The following WRN variants were observed in gnomAD, a reference collection of about 807,000 sequenced individuals.
WRN encodes the protein bifunctional 3'-5' exonuclease/ATP-dependent helicase WRN.
Under a neutral mutation model 180.7 loss-of-function variants are expected in WRN, and 149 were observed. The observed-to-expected ratio is 0.82, with a 90% CI of 0.72 to 0.94. WRN has a LOEUF of 0.94. WRN is among the 40% of genes least tolerant of loss of function. WRN has a pLI of 0.00. For synonymous variants in WRN, 548 were observed against 568.9 expected (o/e 0.96, Z 0.52); for missense variants, 1,661 against 1,700.1 (o/e 0.98, Z 0.40).
At chr8:31,050,150 G>C (rs946883832) in intron 1 of WRN, among the ~76,000 whole-genome samples, 1 of 152,008 alleles carries the variant, frequency 6.6e-6, no homozygotes, top group South Asian at 2.1e-4. Context: ...GTGTTAATGA[G>C]GGAACCAGAA....
At chr8:31,125,042 C>G in intron 23 of WRN, 42 bp downstream of exon 23, 1 of 1,552,994 alleles carries the variant, frequency 6.4e-7, no homozygotes, top group Non-Finnish European at 8.8e-7. Context: ...AAAAGTCTTT[C>G]TTTCTCTTCC....
At chr8:31,088,862 A>G in intron 12 of WRN, 28 bp from the exon 13 acceptor site, 13 of 1,587,688 alleles carry the variant, frequency 8.2e-6, no homozygotes, top group Non-Finnish European at 1.1e-5. Context: ...CTACTTGAAC[A>G]TAAATGCACA....
At chr8:31,050,587 C>A (rs189417532) in intron 1 of WRN, among the ~76,000 whole-genome samples, 5 of 150,642 alleles carry the variant, frequency 3.3e-5, no homozygotes, top group African/African-American at 1.2e-4. Context: ...TCTTTCCACT[C>A]TACTTCCTGC....
intron 16 of WRN, among the ~76,000 whole-genome samples, chr8:31,095,802 G>A (rs532599112): frequency 6.6e-6 from 1 of 152,292 alleles, no homozygotes; most frequent in East Asian, 1.9e-4. Context: ...CTGGAAATCA[G>A]GTAGCGCAAG....
Position 31,055,849 on chromosome 8 carries a change from C to T in WRN, c.-76-2523C>T, listed in dbSNP as rs557149886. 7.9e-5 allele frequency among the ~76,000 whole-genome samples: 12 copies of T among 152,078 alleles called. No homozygotes were observed. The South Asian group carries it at 2.1e-3, about 26-fold the overall frequency. On this transcript the variant is annotated intron_variant, in intron 1 of 34. Coordinates refer to ENST00000298139, the MANE Select transcript of WRN (RefSeq NM_000553.6). ...AATTATTTTATGCTGTGAATTTGAC[C>T]GAAAATAACCTTTACCTCGTCAGGA... is the stretch of plus-strand genomic sequence containing the variant.
intron 23 of WRN, among the ~76,000 whole-genome samples, chr8:31,127,541 C>CA (rs555927274): frequency 0.012 from 73 of 6,234 alleles, no homozygotes; most frequent in African/African-American, 0.012. Context: ...TGTGTAATGA[C>CA]AAATACTTCT....
At chr8:31,107,643 G>C (rs2553258) in intron 18 of WRN, among the ~76,000 whole-genome samples, 149,938 of 152,292 alleles carry the variant, frequency 0.98, 73,866 homozygotes, top group East Asian at 1. Flanking sequence ...TTTTCTTCTC[G>C]TTCTGATTCC....
chr8:31,128,055 G>A (rs1801995706), intron 23 of WRN, among the ~76,000 whole-genome samples: 1 of 151,732 alleles, frequency 6.6e-6, no homozygotes, highest in Non-Finnish European at 1.5e-5. Context: ...GAACAGCCTG[G>A]GCAACATAGC....
At chr8:31,134,044 T>C (rs1471304430) in intron 24 of WRN, among the ~76,000 whole-genome samples, 1 of 152,184 alleles carries the variant, frequency 6.6e-6, no homozygotes, top group African/African-American at 2.4e-5. Context: ...AAGTCTATCC[T>C]TTGTGAAATA....
chr8:31,076,046 C>A (rs1813081761), intron 7 of WRN, 127 bp from the exon 8 acceptor site: 2 of 781,644 alleles, frequency 2.6e-6, no homozygotes, highest in Non-Finnish European at 4.4e-6. Context: ...ATAAGAAGGT[C>A]TTTTTGTTGG....
At chr8:31,038,604 T>C (rs1275090873) in intron 1 of WRN, among the ~76,000 whole-genome samples, 1 of 152,186 alleles carries the variant, frequency 6.6e-6, no homozygotes, top group Non-Finnish European at 1.5e-5. Flanking sequence ...TTACCTATGC[T>C]TTTGGCATCA....
intron 30 of WRN, among the ~76,000 whole-genome samples, chr8:31,148,706 CCT>C (rs1190473796): frequency 2.6e-5 from 4 of 152,162 alleles, no homozygotes; most frequent in Admixed American, 2.0e-4. Flanking sequence ...CAAAGTAATT[CCT>C]CTCTCTTGAA....
chr8:31,150,290 T>G (rs1346491519), intron 30 of WRN, 51 bp from the exon 31 acceptor site: 1 of 1,417,604 alleles, frequency 7.1e-7, no homozygotes, highest in South Asian at 1.2e-5. Flanking sequence ...TGATACTGTT[T>G]CAGTGGTTTC....
intron 13 of WRN, among the ~76,000 whole-genome samples, chr8:31,089,659 C>G (rs1047719735): frequency 2.6e-5 from 4 of 151,944 alleles, no homozygotes; most frequent in East Asian, 3.8e-4. Context: ...GTGGCCAGCA[C>G]TTAGTTAAGA....
In WRN at chr8:31,064,373, A is replaced by T; in HGVS notation, c.294A>T (p.Ala98=). The change falls in exon 4 of 35, where the codon GCA becomes GCT. Residue 98 remains alanine (A), a synonymous_variant. Coordinates refer to ENST00000298139, the MANE Select transcript of WRN (RefSeq NM_000553.6). The stretch of plus-strand genomic sequence containing the variant: ...ATAGAGGGAAACTTGGCAAAGTTGC[A>T]CTAATTCAGTTGTGTGTTTCTGAGA... The part of the protein sequence containing the change: ...LYNRGKLGKV[A]LIQLCVSESK... The T allele has an allele frequency of 1.2e-6, 2 of 1,614,162 alleles. No individual in the cohort carries two copies. The highest frequency in any genetic ancestry group is 1.7e-6 in the Non-Finnish European group (2 of 1,180,010).
At chr8:31,111,917 TCCAC>T in intron 19 of WRN, 118 bp downstream of exon 19, 1 of 1,290,470 alleles carries the variant, frequency 7.7e-7, no homozygotes, top group African/African-American at 1.5e-5. Flanking sequence ...TATTTCAAAT[TCCAC>T]CTAGTTTTGG....
intron 10 of WRN, among the ~76,000 whole-genome samples, chr8:31,084,332 C>G (rs1477470848): frequency 2.0e-5 from 3 of 152,134 alleles, no homozygotes; most frequent in Non-Finnish European, 2.9e-5. Context: ...ATCTTTTACA[C>G]AAATTATTGC....
At chr8:31,163,847 A>T (rs941374813) in intron 33 of WRN, among the ~76,000 whole-genome samples, 5 of 144,852 alleles carry the variant, frequency 3.5e-5, no homozygotes, top group African/African-American at 1.3e-4. Flanking sequence ...TGTGATAACC[A>T]TGAGCTCTTT....
At chr8:31,077,996 C>T (rs1224525968) in intron 8 of WRN, among the ~76,000 whole-genome samples, 1 of 152,112 alleles carries the variant, frequency 6.6e-6, no homozygotes, top group Non-Finnish European at 1.5e-5. Context: ...AGAGTCACAA[C>T]AGGTTGTTTC....
Sources: allele counts gnomAD v4.1 joint callset (sites outside exome capture counted in the v4.1 genomes callset), GRCh38; gene constraint gnomAD v4.1.1; transcripts MANE v1.5; gene names NCBI Gene and HGNC (gene_info 2026-07-23, HGNC 2026-07-21).